The following KCP variants were observed in gnomAD, a reference collection of about 807,000 sequenced individuals.
KCP encodes kielin/chordin-like protein.
Under a neutral mutation model 212.7 loss-of-function variants are expected in KCP, and 194 were observed. The ratio of observed to expected loss-of-function variants is 0.91; its 90% CI spans 0.81 to 1.03. KCP has a LOEUF of 1.03. Ranked by LOEUF, KCP falls within the 50% of genes least tolerant of loss-of-function variation. KCP has a pLI of 0.00. For synonymous variants in KCP, 833 were observed against 865.3 expected, an observed-to-expected ratio of 0.96 and a Z score of 0.65; for missense variants, 2,080 against 2,162.5, an observed-to-expected ratio of 0.96 and a Z score of 0.76.
rs1015594435 is a variant in KCP, at chr7:128,904,371, C to T, written c.572-233G>A. 1.7e-5 allele frequency: 27 copies of T among 1,551,060 alleles called. 1 individual carries two copies. Among genetic ancestry groups the T allele is most frequent in the Middle Eastern group, 3.3e-4 (2 of 6,012 alleles). ...GAACACGAGGGCCCCTGGCACTGCA[C>T]GGCTCCTGTCTGCAGGGCAGACACT... On this transcript the variant is annotated intron_variant, in intron 5 of 39. Coordinates refer to ENST00000610776, the MANE Select transcript of KCP (RefSeq NM_001366122.1).
chr7:128,882,890 G>A (rs1793415788), intron 29 of KCP, among the ~76,000 whole-genome samples: 1 of 152,058 alleles, frequency 6.6e-6, no homozygotes, highest in Admixed American at 6.6e-5. Context: ...TGGCCAACAT[G>A]TTAAAACCCC....
Position 128,888,895 on chromosome 7 carries a change from A to T in KCP, c.2480T>A (p.Ile827Asn). The change falls in exon 22 of 40, where the codon ATC becomes AAC. Residue 827 changes from isoleucine to asparagine, a missense_variant. Ile to Asn is a moderately radical substitution (Grantham distance 149, BLOSUM62 -3). Transcript: ENST00000610776. ...CEPPGCSHPLIPSGHCCPTCQ... is the reference protein window; with the variant it reads ...CEPPGCSHPLNPSGHCCPTCQ... ...GGTCGGGCAGCAGTGCCCAGAGGGGATGAGTGGGTGGCTGCAGCCCGGAGG... is the reference window on the plus strand; with the variant it reads ...GGTCGGGCAGCAGTGCCCAGAGGGGTTGAGTGGGTGGCTGCAGCCCGGAGG... 1 of 1,549,986 alleles carries T rather than the reference A, an allele frequency of 6.5e-7. No individual in the cohort carries two copies. Among genetic ancestry groups the T allele is most frequent in the Non-Finnish European group, 8.7e-7 (1 of 1,146,750 alleles).
intron 26 of KCP, 35 bp downstream of exon 26, chr7:128,886,429 G>T: frequency 6.6e-7 from 1 of 1,511,742 alleles, no homozygotes; most frequent in Non-Finnish European, 8.9e-7. Flanking sequence ...GGGCCAAGGG[G>T]CTGAAGCAAG....
At chr7:128,880,892 T>G (rs1793288984) in intron 32 of KCP, 105 bp downstream of exon 32, 1 of 400,024 alleles carries the variant, frequency 2.5e-6, no homozygotes, top group Admixed American at 4.4e-5. Flanking sequence ...GGTGCAGGGA[T>G]GCCCCTGACC....
At chr7:128,881,252 G>T (rs1793315702) in intron 31 of KCP, among the ~76,000 whole-genome samples, 167 bp from the exon 32 acceptor site, 1 of 152,228 alleles carries the variant, frequency 6.6e-6, no homozygotes, top group Non-Finnish European at 1.5e-5. Flanking sequence ...TAGACATCAG[G>T]CCTCACATCA....
At position 128,885,215 on chromosome 7, in the gene KCP, G is replaced by T. The variant is rs894137518; in HGVS notation, c.2922C>A (p.Asp974Glu). The change falls in exon 27 of 40, where the codon GAC becomes GAA. Residue 974 changes from aspartate to glutamate, a missense_variant. Transcript: ENST00000610776. ...GACACACACAGGAGGAGCAGGCACT[G>T]TCGGGGGGCACCCATCTACTGCCTT... The part of the protein sequence containing the change: ...HPEGSRWVPP[D>E]SACSSCVCHE... 33 of 1,550,598 alleles carry T rather than the reference G, an allele frequency of 2.1e-5. 1 individual carries two copies. The highest frequency in any genetic ancestry group is 1.7e-4 in the Middle Eastern group (1 of 6,008).
At chr7:128,887,995 C>T (rs1296112683) in intron 22 of KCP, among the ~76,000 whole-genome samples, 1 of 128,768 alleles carries the variant, frequency 7.8e-6, no homozygotes, top group East Asian at 2.4e-4. Flanking sequence ...ACACAGAGAC[C>T]CCCCCACATA....
In KCP at chr7:128,880,542, A is replaced by G; in HGVS notation, c.3617-14T>C. The G allele has an allele frequency of 7.0e-7, 1 of 1,428,826 alleles. No homozygotes were observed. The highest frequency in any genetic ancestry group is 9.3e-7 in the Non-Finnish European group (1 of 1,080,932). The allele number at this position is 1,428,826 out of a possible 1,614,324, so 88.5% of individuals were successfully genotyped here. ...ACTGGGTGGGAGCTGAAGGGATAGG[A>G]GCTGGGAGGGTCAGCTGCTCCTCCC... On this transcript the variant is annotated splice_polypyrimidine_tract_variant and intron_variant, in intron 33 of 39. Coordinates refer to ENST00000610776, the MANE Select transcript of KCP (RefSeq NM_001366122.1).
Position 128,886,939 on chromosome 7 carries a change from GCTT to G in KCP, c.2623_2625del (p.Lys875del). 1 of 1,528,518 alleles carries G rather than the reference GCTT, an allele frequency of 6.5e-7. No individual in the cohort carries two copies. The highest frequency in any genetic ancestry group is 8.8e-7 in the Non-Finnish European group (1 of 1,131,374). The allele number at this position is 1,528,518 out of a possible 1,614,324, so 94.7% of individuals were successfully genotyped here. A position where few individuals can be genotyped will look rare whatever the true frequency, so the allele number is the denominator to read the frequency against. On this transcript the variant is annotated inframe_deletion, in exon 24 of 40. Coordinates refer to ENST00000610776, the MANE Select transcript of KCP (RefSeq NM_001366122.1). Reference sequence around the variant, plus strand: ...TGGGGGCAGAGAGCTGGGGGACATGGCTTCTTCTGGCAGCGCATGGAACCTTCC... The same window carrying G: ...TGGGGGCAGAGAGCTGGGGGACATGGCTTCTGGCAGCGCATGGAACCTTCC...
intron 1 of KCP, among the ~76,000 whole-genome samples, chr7:128,910,019 T>C (rs993124712): frequency 3.3e-5 from 5 of 152,084 alleles, no homozygotes; most frequent in Non-Finnish European, 7.4e-5. Context: ...CCCAGGCCAC[T>C]CCTCCAGTTC....
rs936928412 is a variant in KCP, at chr7:128,891,270, G to A, written c.1887C>T (p.Asn629=). 7.1e-6 allele frequency: 11 copies of A among 1,547,092 alleles called. No individual in the cohort carries two copies. The highest frequency in any genetic ancestry group is 2.0e-5 in the Admixed American group (1 of 50,966). ...PCRLCRCLSG[N]VQCLARRCVP... ...CGCAGCGGCGGGCCAGGCACTGCAC[G>A]TTGCCGCTCTACGGACCGACAGACG... The change falls in exon 19 of 40, where the codon AAC becomes AAT. Residue 629 remains asparagine, a synonymous_variant. Coordinates refer to ENST00000610776, the MANE Select transcript of KCP (RefSeq NM_001366122.1).
At position 128,892,893 on chromosome 7, in the gene KCP, A is replaced by G; in HGVS notation, c.1396T>C (p.Cys466Arg). 1.3e-6 allele frequency: 2 copies of G among 1,541,764 alleles called. No homozygotes were observed. The highest frequency in any genetic ancestry group is 1.8e-6 in the Non-Finnish European group (2 of 1,138,464). ...CCAGGGGGCTGGGTGGGGTGCTGGC[A>G]GGGGGCTGGGGGGCAGAGCACAGCC... ...CGAVLCPPAP[C>R]QHPTQPPGAC... is the part of the protein sequence containing the mutation. Residue 466 changes from cysteine to arginine, a missense_variant, in exon 14 of 40, where the codon TGC becomes CGC. Physicochemically the swap from Cys to Arg is radical, Grantham distance 180. Transcript: ENST00000610776.
In KCP at chr7:128,893,837, C is replaced by T. The variant is rs962143083; in HGVS notation, c.1068G>A (p.Lys356=). 2 of 1,551,288 alleles carry T rather than the reference C, an allele frequency of 1.3e-6. No homozygotes were observed. Among genetic ancestry groups the T allele is most frequent in the Non-Finnish European group, 1.7e-6 (2 of 1,146,988 alleles). Residue 356 remains lysine (K), a synonymous_variant, in exon 11 of 40, where the codon AAG becomes AAA. Transcript: ENST00000610776. ...CPPVPCRHPG[K]IPGQCCPVCD... is the part of the protein sequence containing the mutation. ...AGACAGGGCAGCACTGCCCAGGGAT[C>T]TTGCCTGGGTGTCTGCAGGGCACTG...
intron 4 of KCP, among the ~76,000 whole-genome samples, chr7:128,906,750 G>A (rs1795138261): frequency 6.6e-6 from 1 of 152,080 alleles, no homozygotes; most frequent in African/African-American, 2.4e-5. Context: ...GTGGAAGAGT[G>A]GGAGGTGATA....
Position 128,880,048 on chromosome 7 carries a change from G to A in KCP, c.3797C>T (p.Pro1266Leu), listed in dbSNP as rs768479101. ...APALSPGSCCPRCLPRPASCM... is the reference protein window; with the variant it reads ...APALSPGSCCLRCLPRPASCM... The stretch of plus-strand genomic sequence containing the variant: ...GGAAGCGGGCCGAGGCAGGCAGCGG[G>A]GGCAGCAGCTGCCAGGACTCAGGGC... The change falls in exon 35 of 40, where the codon CCC becomes CTC. Residue 1266 changes from proline (P) to leucine (L), a missense_variant. By Grantham distance (98) the Pro-to-Leu change is moderately conservative. Coordinates refer to ENST00000610776, the MANE Select transcript of KCP (RefSeq NM_001366122.1). 3 of 1,547,698 alleles carry A rather than the reference G, an allele frequency of 1.9e-6. No homozygotes were observed. The highest frequency in any genetic ancestry group is 1.7e-6 in the Non-Finnish European group (2 of 1,146,276).
chr7:128,892,850 G>A lies in KCP; in HGVS notation c.1420+19C>T, dbSNP rs1287656818. 3.2e-6 allele frequency: 5 copies of A among 1,551,082 alleles called. No homozygotes were observed. The South Asian group carries it at 5.9e-5, about 18-fold the overall frequency. ...GGGTAATGCAGGGGAAGAAAGCCAG[G>A]ATCAGCCCAGGCACTCACCAGGGGG... On this transcript the variant is annotated intron_variant, in intron 14 of 39. Coordinates refer to ENST00000610776, the MANE Select transcript of KCP (RefSeq NM_001366122.1).
rs531163445 is a variant in KCP at position 128,878,734 on chromosome 7, G to C, written c.4147-12C>G. ...CCATCCCACAGCACCTGTGTGGAGAGGCCTGAGACTGGGGAGCAGGGAAGG... is the reference window on the plus strand; with the variant it reads ...CCATCCCACAGCACCTGTGTGGAGACGCCTGAGACTGGGGAGCAGGGAAGG... On this transcript the variant is annotated splice_polypyrimidine_tract_variant and intron_variant, in intron 37 of 39. Coordinates refer to ENST00000610776, the MANE Select transcript of KCP (RefSeq NM_001366122.1). 5.1e-5 allele frequency: 79 copies of C among 1,547,050 alleles called. 1 individual carries two copies. In the South Asian group the frequency reaches 8.7e-4, roughly 17 times the overall value.
In KCP at chr7:128,880,748, G is replaced by T. The variant is rs543320558; in HGVS notation, c.3514-27C>A. 438 of 409,672 alleles carry T rather than the reference G, an allele frequency of 1.1e-3. 12 individuals are homozygous for T. In the South Asian group the frequency reaches 0.045, roughly 42 times the overall value. The allele number at this position is 409,672 out of a possible 1,614,324, so 25.4% of individuals were successfully genotyped here. A position where few individuals can be genotyped will look rare whatever the true frequency, so the allele number is the denominator to read the frequency against. On this transcript the variant is annotated intron_variant, in intron 32 of 39. Transcript: ENST00000610776. ...TGAGGACAGACATCATTGTTCTGGG[G>T]TTTTCTGCAGGGCCGGAGTCCCCAG...
At chr7:128,888,079 GACAC>G (rs1028346647) in intron 22 of KCP, among the ~76,000 whole-genome samples, 10 of 94,558 alleles carry the variant, frequency 1.1e-4, no homozygotes, top group East Asian at 3.3e-4. Context: ...CACAAATACA[GACAC>G]ACACACACAT....
Sources: allele counts gnomAD v4.1 joint callset (sites outside exome capture counted in the v4.1 genomes callset), GRCh38; gene constraint gnomAD v4.1.1; transcripts MANE v1.5; gene names NCBI Gene and HGNC (gene_info 2026-07-23, HGNC 2026-07-21).